MAGT1: variants seen among roughly 807,000 people sequenced by gnomAD.
MAGT1 encodes dolichyl-diphosphooligosaccharide--protein glycosyltransferase subunit MAGT1.
In MAGT1, 4 loss-of-function variants were observed where a neutral mutation model predicts 28.4. The ratio of observed to expected loss-of-function variants is 0.14; its 90% CI spans 0.07 to 0.32. The LOEUF is 0.32. MAGT1 is among the 10% of genes least tolerant of loss of function. The pLI is 1.00. For synonymous variants in MAGT1, 89 were observed against 89.7 expected (o/e 0.99, Z 0.04); for missense variants, 193 against 264.5 (o/e 0.73, Z 1.88).
chrX:77,849,537 T>C (rs2076961207), intron 7 of MAGT1, among the ~76,000 whole-genome samples: 1 of 111,397 alleles, frequency 9.0e-6, no homozygotes, highest in African/African-American at 3.3e-5. Flanking sequence ...TATTTATTGA[T>C]GTGAGTTCTG....
chrX:77,859,216 T>TAAATAAA (rs1329919462), intron 3 of MAGT1, among the ~76,000 whole-genome samples: 3 of 109,799 alleles, frequency 2.7e-5, no homozygotes, highest in Admixed American at 9.8e-5. Context: ...TCTAAATAAA[T>TAAATAAA]AAATAAAAAA....
At chrX:77,834,207 TAC>T (rs1242341115) in intron 8 of MAGT1, among the ~76,000 whole-genome samples, 2 of 98,361 alleles carry the variant, frequency 2.0e-5, no homozygotes, top group African/African-American at 3.7e-5. Flanking sequence ...TGCATATATA[TAC>T]ATGTGTGTAT....
At chrX:77,843,099 T>C (rs990414948) in intron 7 of MAGT1, among the ~76,000 whole-genome samples, 2 of 112,616 alleles carry the variant, frequency 1.8e-5, no homozygotes, top group Non-Finnish European at 3.7e-5. Flanking sequence ...ATACATGTTG[T>C]ATGCTACCGC....
intron 1 of MAGT1, among the ~76,000 whole-genome samples, chrX:77,883,874 C>T (rs2077060248): frequency 9.0e-6 from 1 of 110,884 alleles, no homozygotes; most frequent in African/African-American, 3.3e-5. Context: ...GAATTGAAAA[C>T]AGATCACAAC....
chrX:77,844,126 G>A (rs974877609), intron 7 of MAGT1, among the ~76,000 whole-genome samples: 1 of 111,115 alleles, frequency 9.0e-6, no homozygotes, highest in African/African-American at 3.3e-5. Context: ...CAATTTCAGA[G>A]CCTGTTATTG....
Position 77,849,404 on chromosome X carries a change from TA to T in MAGT1, c.826+4496del, listed in dbSNP as rs1173129159. On this transcript the variant is annotated intron_variant, in intron 7 of 9. Coordinates refer to ENST00000618282, the MANE Select transcript of MAGT1 (RefSeq NM_001367916.1). ...CCTGTAGGATTCCATTTATGTAAGT[TA>T]AAAAAAAATAGGTAAAATAAACCCA... Among the ~76,000 whole-genome samples, 10 of 108,582 alleles carry T rather than the reference TA, an allele frequency of 9.2e-5. No individual in the cohort carries two copies. In the South Asian group the frequency reaches 3.2e-3, roughly 34 times the overall value. 94.3% of individuals were successfully genotyped at this position (108,582 alleles called of 115,157 possible).
intron 3 of MAGT1, among the ~76,000 whole-genome samples, chrX:77,869,777 G>C (rs1450575609): frequency 9.0e-6 from 1 of 110,614 alleles, no homozygotes; most frequent in East Asian, 2.8e-4. Context: ...TAGTGAAAAG[G>C]GAACACTTTT....
chrX:77,895,271 T>C (rs1557219792), intron 1 of MAGT1, 38 bp downstream of exon 1: 3 of 1,199,341 alleles, frequency 2.5e-6, no homozygotes, highest in East Asian at 3.0e-5. Flanking sequence ...GCCCCAGTCA[T>C]TGGGAAAAGC....
chrX:77,875,791 G>C (rs190308659), intron 1 of MAGT1, among the ~76,000 whole-genome samples, 194 bp from the exon 2 acceptor site: 9 of 110,310 alleles, frequency 8.2e-5, no homozygotes, highest in Non-Finnish European at 1.5e-4. Flanking sequence ...TATTTTGTCA[G>C]ACATTACACT....
At chrX:77,877,013 CAAAAAAAAAAAA>C (rs782800456) in intron 1 of MAGT1, among the ~76,000 whole-genome samples, 2 of 10,641 alleles carry the variant, frequency 1.9e-4, no homozygotes, top group South Asian at 6.0e-3. Flanking sequence ...AACTCCATCT[CAAAAAAAAAAAA>C]AAAAAAAAAA....
chrX:77,878,563 G>C (rs982029628), intron 1 of MAGT1, among the ~76,000 whole-genome samples: 2 of 106,227 alleles, frequency 1.9e-5, no homozygotes, highest in Non-Finnish European at 3.9e-5. Context: ...GAGATGGGTA[G>C]ATCACCTGAG....
At chrX:77,842,391 CA>C (rs201760155) in intron 7 of MAGT1, among the ~76,000 whole-genome samples, 12 of 106,710 alleles carry the variant, frequency 1.1e-4, no homozygotes, top group African/African-American at 1.7e-4. Flanking sequence ...TAGACTGTGT[CA>C]AAAAAAAAAT....
intron 7 of MAGT1, among the ~76,000 whole-genome samples, chrX:77,848,946 C>T (rs782248181): frequency 1.4e-4 from 15 of 109,075 alleles, no homozygotes; most frequent in South Asian, 4.0e-4. Flanking sequence ...TCTGGGAGGT[C>T]GAGGTTACAG....
intron 9 of MAGT1, among the ~76,000 whole-genome samples, chrX:77,830,073 A>T (rs1437659836): frequency 8.9e-6 from 1 of 112,786 alleles, no homozygotes; most frequent in African/African-American, 3.2e-5. Context: ...CTATAATCCC[A>T]GCCCTCTGGG....
At chrX:77,861,899 G>A (rs964330178) in intron 3 of MAGT1, among the ~76,000 whole-genome samples, 3 of 111,375 alleles carry the variant, frequency 2.7e-5, no homozygotes, top group Non-Finnish European at 5.6e-5. Flanking sequence ...GGAACTGGGG[G>A]AGTGGGGAAC....
At chrX:77,891,315 C>CATCTATCT (rs79053193) in intron 1 of MAGT1, among the ~76,000 whole-genome samples, 34,953 of 90,162 alleles carry the variant, frequency 0.39, 5,793 homozygotes, top group Middle Eastern at 0.4. Context: ...TCAGTTCCCT[C>CATCTATCT]ATCTATCTAT....
At chrX:77,847,278 A>G (rs782055160) in intron 7 of MAGT1, among the ~76,000 whole-genome samples, 3 of 112,599 alleles carry the variant, frequency 2.7e-5, no homozygotes, top group Non-Finnish European at 5.6e-5. Context: ...TAAGACCATC[A>G]GAAAAGCACA....
At chrX:77,870,229 A>C (rs1380619260) in intron 3 of MAGT1, among the ~76,000 whole-genome samples, 1 of 110,607 alleles carries the variant, frequency 9.0e-6, no homozygotes, top group Non-Finnish European at 1.9e-5. Context: ...GATTGATATA[A>C]TGGACGTTGG....
At chrX:77,883,219 A>G (rs908784329) in intron 1 of MAGT1, among the ~76,000 whole-genome samples, 1 of 104,902 alleles carries the variant, frequency 9.5e-6, no homozygotes, top group Non-Finnish European at 1.9e-5. Flanking sequence ...ATACGTGTGC[A>G]TGTGTCTTTA....
Sources: allele counts gnomAD v4.1 joint callset (sites outside exome capture counted in the v4.1 genomes callset), GRCh38; gene constraint gnomAD v4.1.1; transcripts MANE v1.5; gene names NCBI Gene and HGNC (gene_info 2026-07-23, HGNC 2026-07-21).